Variants in CTNND2 observed in about 807,000 individuals in gnomAD.
The protein encoded by CTNND2 is catenin delta-2.
In CTNND2, 22 loss-of-function variants were observed where a neutral mutation model predicts 144.4. That is an observed-to-expected ratio of 0.15 (90% confidence interval 0.11 to 0.22). The LOEUF (loss-of-function observed/expected upper bound fraction) is 0.22, where lower values mean the gene tolerates loss of function less well. CTNND2 is among the 10% of genes least tolerant of loss of function. The probability of loss-of-function intolerance (pLI) is 1.00; values close to 1 mark genes in which losing one functional copy is unlikely to be tolerated. For synonymous variants in CTNND2, 751 were observed against 695.6 expected, an observed-to-expected ratio of 1.08 and a Z score of -1.25; for missense variants, 1,353 against 1,618.8, an observed-to-expected ratio of 0.84 and a Z score of 2.82.
chr5:11,625,610 A>AT (rs1781115892), intron 2 of CTNND2, among the ~76,000 whole-genome samples: 1 of 152,172 alleles, frequency 6.6e-6, no homozygotes, highest in Admixed American at 6.6e-5. Context: ...GATATACAGT[A>AT]TTGCAATTCA....
In CTNND2 at chr5:11,446,874, G is replaced by C. The variant is rs572068927; in HGVS notation, c.288-34805C>G. Among the ~76,000 whole-genome samples, 52 of 152,190 alleles carry C rather than the reference G, an allele frequency of 3.4e-4. No individual in the cohort carries two copies. The South Asian group carries it at 8.7e-3, about 25-fold the overall frequency. ...ATGTTGGTCACAGCACTAGGAGCAG[G>C]GGAGTGTTGGTGTTGGGCGCCCAGC... On this transcript the variant is annotated intron_variant, in intron 3 of 21. Coordinates refer to ENST00000304623, the MANE Select transcript of CTNND2 (RefSeq NM_001332.4).
At chr5:11,169,485 C>T (rs1179777060) in intron 11 of CTNND2, among the ~76,000 whole-genome samples, 1 of 152,148 alleles carries the variant, frequency 6.6e-6, no homozygotes, top group Non-Finnish European at 1.5e-5. Flanking sequence ...AATTCATCAC[C>T]TTATCTCTAT....
chr5:11,818,204 TAGAC>T (rs991663442), intron 1 of CTNND2, among the ~76,000 whole-genome samples: 9 of 152,048 alleles, frequency 5.9e-5, no homozygotes, highest in Non-Finnish European at 1.3e-4. Context: ...ATGACATGTC[TAGAC>T]ATTATCATAA....
At chr5:11,666,064 T>G (rs1783553716) in intron 2 of CTNND2, among the ~76,000 whole-genome samples, 1 of 152,138 alleles carries the variant, frequency 6.6e-6, no homozygotes, top group Non-Finnish European at 1.5e-5. Flanking sequence ...GAATGTGTAC[T>G]ACAGAATGAT....
At chr5:11,653,388 G>T (rs974742091) in intron 2 of CTNND2, among the ~76,000 whole-genome samples, 8 of 152,060 alleles carry the variant, frequency 5.3e-5, no homozygotes, top group Non-Finnish European at 1.0e-4. Flanking sequence ...CCTCACCTCA[G>T]TAACACTTGT....
intron 10 of CTNND2, among the ~76,000 whole-genome samples, chr5:11,216,285 T>A (rs560490360): frequency 1.5e-4 from 23 of 152,312 alleles, no homozygotes; most frequent in African/African-American, 4.8e-4. Flanking sequence ...ATACATCATG[T>A]TACACGGAAA....
At chr5:11,667,182 T>A (rs188460128) in intron 2 of CTNND2, among the ~76,000 whole-genome samples, 7 of 152,154 alleles carry the variant, frequency 4.6e-5, no homozygotes, top group Admixed American at 4.6e-4. Flanking sequence ...GGCATTTGAG[T>A]CAGTTCCAAG....
intron 1 of CTNND2, among the ~76,000 whole-genome samples, chr5:11,764,302 C>G (rs1409125246): frequency 6.6e-6 from 1 of 152,102 alleles, no homozygotes; most frequent in Non-Finnish European, 1.5e-5. Context: ...CAAGTGAGGC[C>G]TATTTCAGAC....
At chr5:11,455,794 T>TC (rs1765685719) in intron 3 of CTNND2, among the ~76,000 whole-genome samples, 2 of 152,206 alleles carry the variant, frequency 1.3e-5, no homozygotes, top group Admixed American at 1.3e-4. Flanking sequence ...GGTTTTTTTT[T>TC]CTGCTCAGAA....
intron 3 of CTNND2, among the ~76,000 whole-genome samples, chr5:11,490,478 C>T (rs1306452066): frequency 6.6e-6 from 1 of 152,092 alleles, no homozygotes; most frequent in Non-Finnish European, 1.5e-5. Flanking sequence ...AATAAAAGAT[C>T]TAAAAGATCC....
At chr5:11,872,830 T>A (rs1735259464) in intron 1 of CTNND2, among the ~76,000 whole-genome samples, 1 of 152,160 alleles carries the variant, frequency 6.6e-6, no homozygotes, top group Non-Finnish European at 1.5e-5. Flanking sequence ...GACCCCTTCC[T>A]TATACCTTAT....
intron 1 of CTNND2, among the ~76,000 whole-genome samples, chr5:11,842,986 A>G (rs1445456981): frequency 6.6e-6 from 1 of 152,154 alleles, no homozygotes; most frequent in African/African-American, 2.4e-5. Context: ...TATAGAAGAA[A>G]CATTAACTTG....
intron 2 of CTNND2, among the ~76,000 whole-genome samples, chr5:11,622,649 C>T (rs1012029487): frequency 6.6e-6 from 1 of 152,096 alleles, no homozygotes; most frequent in African/African-American, 2.4e-5. Flanking sequence ...CAGAAAAACA[C>T]GATCTTACAG....
intron 7 of CTNND2, among the ~76,000 whole-genome samples, chr5:11,377,517 T>C (rs1192354901): frequency 1.3e-5 from 2 of 152,160 alleles, no homozygotes; most frequent in African/African-American, 4.8e-5. Context: ...TTTTCTCAGC[T>C]AAAGCACAAC....
chr5:11,388,167 G>A (rs1759278478), intron 6 of CTNND2, among the ~76,000 whole-genome samples: 1 of 152,166 alleles, frequency 6.6e-6, no homozygotes, highest in Non-Finnish European at 1.5e-5. Context: ...TTTATATACT[G>A]TTTAACATAG....
intron 2 of CTNND2, among the ~76,000 whole-genome samples, chr5:11,682,182 G>A (rs1425533967): frequency 2.6e-5 from 4 of 152,196 alleles, no homozygotes; most frequent in Admixed American, 2.0e-4. Context: ...CTGGTTTAAC[G>A]TATCACAGTT....
intron 9 of CTNND2, among the ~76,000 whole-genome samples, chr5:11,240,543 A>G (rs1351562651): frequency 1.2e-5 from 1 of 81,894 alleles, no homozygotes; most frequent in African/African-American, 8.2e-5. Flanking sequence ...CCCAACACAC[A>G]CACCCAACAC....
chr5:11,159,850 C>T, intron 11 of CTNND2, 91 bp from the exon 12 acceptor site: 1 of 1,040,674 alleles, frequency 9.6e-7, no homozygotes, highest in Non-Finnish European at 1.4e-6. Flanking sequence ...ACGGAACTGG[C>T]AGGAAGGATG....
At chr5:11,240,119 C>T (rs1288863577) in intron 9 of CTNND2, among the ~76,000 whole-genome samples, 1 of 151,232 alleles carries the variant, frequency 6.6e-6, no homozygotes, top group African/African-American at 2.4e-5. Context: ...CACACACACA[C>T]ACACCCCCAA....
Sources: gnomAD v4.1 joint callset for allele counts (sites outside exome capture counted in the v4.1 genomes callset) on GRCh38, gnomAD v4.1.1 for gene constraint, MANE v1.5 for transcripts, NCBI Gene and HGNC (gene_info 2026-07-23, HGNC 2026-07-21) for gene names.